The following SHANK2 variants were observed in gnomAD, a reference collection of about 807,000 sequenced individuals.
The protein encoded by SHANK2 is SH3 and multiple ankyrin repeat domains protein 2.
A neutral mutation model predicts 133.7 loss-of-function variants in SHANK2; 43 were observed. The observed-to-expected ratio is 0.32, with a 90% confidence interval of 0.25 to 0.41. SHANK2 has a LOEUF of 0.41. Ranked by LOEUF, SHANK2 falls within the 10% of genes least tolerant of loss-of-function variation. SHANK2 has a pLI of 1.00. For synonymous variants in SHANK2, 1,017 were observed against 952.8 expected, an observed-to-expected ratio of 1.07 and a Z score of -1.24; for missense variants, 1,994 against 2,235.8, an observed-to-expected ratio of 0.89 and a Z score of 2.18.
At chr11:71,100,884 AT>A (rs1166097613) in intron 6 of SHANK2, among the ~76,000 whole-genome samples, 1 of 143,684 alleles carries the variant, frequency 7.0e-6, no homozygotes, top group African/African-American at 2.6e-5. Context: ...AAAAAAAAAA[AT>A]CAGTGGTTAT....
At chr11:71,081,316 C>T (rs1951297856) in intron 8 of SHANK2, among the ~76,000 whole-genome samples, 1 of 152,208 alleles carries the variant, frequency 6.6e-6, no homozygotes, top group Admixed American at 6.5e-5. Context: ...CAGCCCTATG[C>T]AGCAAACACA....
chr11:70,496,702 G>A (rs912206473), intron 21 of SHANK2, among the ~76,000 whole-genome samples: 14 of 152,362 alleles, frequency 9.2e-5, no homozygotes, highest in Admixed American at 2.0e-4. Context: ...GGGACCAGGC[G>A]GGAGCTGGGG....
chr11:70,889,911 G>T (rs1198819855), intron 11 of SHANK2, among the ~76,000 whole-genome samples: 3 of 152,168 alleles, frequency 2.0e-5, no homozygotes, highest in Non-Finnish European at 4.4e-5. Context: ...ACTGGGGCCA[G>T]GACATGGGGG....
intron 17 of SHANK2, among the ~76,000 whole-genome samples, chr11:70,587,107 G>T (rs2060264387): frequency 6.6e-6 from 1 of 152,178 alleles, no homozygotes; most frequent in Non-Finnish European, 1.5e-5. Context: ...TTTGCTGAGG[G>T]CCTGTGTTGC....
rs2059093679 is a variant in SHANK2 at position 70,503,643 on chromosome 11, C to T, written c.2062-712G>A. Among the ~76,000 whole-genome samples, 3 of 152,244 alleles carry T rather than the reference C, an allele frequency of 2.0e-5. 1 individual carries two copies. The highest frequency in any genetic ancestry group is 2.9e-5 in the Non-Finnish European group (2 of 68,042). On this transcript the variant is annotated intron_variant, in intron 17 of 25. Transcript: ENST00000601538. ...TGGCCACTGCCCTGCAGTTGAGGAA[C>T]TCTTAGGAGCCGGTTACCTCCTGCC...
chr11:70,607,893 C>T (rs1554992971), intron 17 of SHANK2, among the ~76,000 whole-genome samples: 1 of 152,238 alleles, frequency 6.6e-6, no homozygotes. Context: ...ATATAGCCCC[C>T]CTTTCAGAAA....
At chr11:70,543,801 G>A (rs536067469) in intron 17 of SHANK2, among the ~76,000 whole-genome samples, 7 of 152,328 alleles carry the variant, frequency 4.6e-5, no homozygotes, top group African/African-American at 1.7e-4. Flanking sequence ...TGCAAAGGAC[G>A]TGGGGCCCAT....
chr11:71,230,631 C>CAA (rs370428054), intron 1 of SHANK2, among the ~76,000 whole-genome samples: 4 of 136,594 alleles, frequency 2.9e-5, no homozygotes, highest in African/African-American at 8.1e-5. Context: ...AGTTTGCAAA[C>CAA]AAAAAAAAAA....
intron 17 of SHANK2, chr11:70,635,204 C>T (rs2061055930): frequency 6.6e-6 from 1 of 152,236 alleles, no homozygotes; most frequent in Non-Finnish European, 1.5e-5. Flanking sequence ...ACTTCTGCAT[C>T]TATGCCCGAA....
chr11:71,155,554 C>G (rs1952892428), intron 2 of SHANK2, among the ~76,000 whole-genome samples: 2 of 152,152 alleles, frequency 1.3e-5, no homozygotes, highest in Admixed American at 6.5e-5. Context: ...CCCCCAGTAA[C>G]TGAAGCAGAA....
At chr11:70,790,030 C>T (rs1006553517) in intron 14 of SHANK2, among the ~76,000 whole-genome samples, 7 of 152,362 alleles carry the variant, frequency 4.6e-5, no homozygotes, top group Non-Finnish European at 8.8e-5. Flanking sequence ...ACTGCACACA[C>T]GTGCATTGCA....
chr11:70,492,450 A>G lies in SHANK2; in HGVS notation c.2324T>C (p.Ile775Thr). The G allele has an allele frequency of 3.7e-6, 6 of 1,614,034 alleles. No homozygotes were observed. The highest frequency in any genetic ancestry group is 5.1e-6 in the Non-Finnish European group (6 of 1,180,038). ...GCGGGAGGGCTTGGAGGCCGGGACTATCTCCTCGGGTTTATCTGCAATAGA... is the reference window on the plus strand; with the variant it reads ...GCGGGAGGGCTTGGAGGCCGGGACTGTCTCCTCGGGTTTATCTGCAATAGA... Reference protein sequence around the residue: ...VRKKKDKPEEIVPASKPSRAA... With the variant: ...VRKKKDKPEETVPASKPSRAA... The change falls in exon 22 of 26, where the codon ATA becomes ACA. Residue 775 changes from isoleucine (I) to threonine (T), a missense_variant. Physicochemically the swap from Ile to Thr is moderately conservative, Grantham distance 89 (BLOSUM62 -1). Around this residue, in one of 5 missense-constraint regions of SHANK2, gnomAD observed 488 missense variants for 642.6 expected, o/e 0.76. Transcript: ENST00000601538.
chr11:71,154,669 A>AG, intron 2 of SHANK2, among the ~76,000 whole-genome samples: 1 of 147,778 alleles, frequency 6.8e-6, no homozygotes, highest in East Asian at 2.0e-4. Flanking sequence ...CCACGCTCCC[A>AG]GAGGGATGGA....
At chr11:70,871,584 A>G (rs1039325102) in intron 11 of SHANK2, among the ~76,000 whole-genome samples, 5 of 152,250 alleles carry the variant, frequency 3.3e-5, no homozygotes, top group Non-Finnish European at 7.3e-5. Flanking sequence ...TTGCTGAACA[A>G]GCAGGGCAGG....
Position 70,717,581 on chromosome 11 carries a change from G to C in SHANK2, c.1778-18818C>G, listed in dbSNP as rs559470616. 8.5e-4 allele frequency among the ~76,000 whole-genome samples: 130 copies of C among 152,282 alleles called. 2 individuals carry two copies. The highest frequency in any genetic ancestry group is 3.0e-3 in the African/African-American group (124 of 41,562). ...ACCCCGTCTCACCAAGCGCCGGCAG[G>C]ACTGCCCAAGTCCCACGGTCCTCCC... On this transcript the variant is annotated intron_variant, in intron 14 of 25. Transcript: ENST00000601538.
At chr11:70,734,066 C>T (rs1196797025) in intron 14 of SHANK2, among the ~76,000 whole-genome samples, 1 of 152,068 alleles carries the variant, frequency 6.6e-6, no homozygotes, top group African/African-American at 2.4e-5. Flanking sequence ...TCACCAGGGG[C>T]TGGGAGGTCC....
chr11:71,235,951 C>T (rs1303277768), intron 1 of SHANK2, among the ~76,000 whole-genome samples: 1 of 152,218 alleles, frequency 6.6e-6, no homozygotes, highest in Admixed American at 6.5e-5. Context: ...TTATCAGATG[C>T]ACCCATTCTC....
intron 17 of SHANK2, among the ~76,000 whole-genome samples, chr11:70,516,832 G>A (rs948354759): frequency 1.4e-4 from 21 of 152,200 alleles, no homozygotes; most frequent in Admixed American, 1.3e-3. Context: ...ACTTTGGGGG[G>A]CCGAGTCGGG....
At chr11:70,719,234 T>C (rs147765010) in intron 14 of SHANK2, among the ~76,000 whole-genome samples, 2,834 of 152,294 alleles carry the variant, frequency 0.019, 43 homozygotes, top group Non-Finnish European at 0.026. Flanking sequence ...ACGGTTCAAA[T>C]AGACACTTTG....
Sources: gnomAD v4.1 joint callset for allele counts (sites outside exome capture counted in the v4.1 genomes callset) on GRCh38, gnomAD v4.1.1 for gene constraint, gnomAD v4.1.1 regional missense constraint, MANE v1.5 for transcripts, NCBI Gene and HGNC (gene_info 2026-07-23, HGNC 2026-07-21) for gene names.